The following NDE1 variants were observed in gnomAD, a reference collection of about 807,000 sequenced individuals.
NDE1 encodes nuclear distribution protein nudE homolog 1.
NDE1 carries 28 observed loss-of-function variants against 43.4 expected under a neutral mutation model. The observed-to-expected ratio is 0.65, with a 90% confidence interval of 0.48 to 0.89. The LOEUF (loss-of-function observed/expected upper bound fraction) is 0.89, where lower values mean the gene tolerates loss of function less well. Ranked by LOEUF, NDE1 falls within the 40% of genes least tolerant of loss-of-function variation. NDE1 has a pLI of 0.00. For missense variants in NDE1, 441 were observed against 434.1 expected (o/e 1.02, Z -0.14); for synonymous variants, 184 against 172.0 (o/e 1.07, Z -0.55).
At chr16:15,696,578 G>T in intron 7 of NDE1, 131 bp from the exon 8 acceptor site, 1 of 1,540,408 alleles carries the variant, frequency 6.5e-7, no homozygotes, top group East Asian at 2.3e-5. Flanking sequence ...TCCTCTTGGG[G>T]TCCCACCTTG....
intron 3 of NDE1, among the ~76,000 whole-genome samples, chr16:15,674,782 GC>G (rs1267770372): frequency 1.3e-5 from 2 of 152,004 alleles, no homozygotes; most frequent in Non-Finnish European, 2.9e-5. Context: ...TGCAATCACG[GC>G]TCACTGCAGC....
At chr16:15,714,804 G>A in intron 8 of NDE1, 21 of 1,366,030 alleles carry the variant, frequency 1.5e-5, no homozygotes, top group Non-Finnish European at 2.2e-5. Flanking sequence ...GAAGGGAGTG[G>A]CGGCTGTGGG....
intron 4 of NDE1, chr16:15,684,507 C>A (rs2038334919): frequency 6.7e-6 from 1 of 149,114 alleles, no homozygotes; most frequent in African/African-American, 2.5e-5. Context: ...ACAGAAGAAT[C>A]ATTTGAACCC....
intron 8 of NDE1, chr16:15,704,080 C>T: frequency 1.2e-6 from 2 of 1,614,122 alleles, no homozygotes; most frequent in Non-Finnish European, 8.5e-7. Flanking sequence ...ACTCTACGTC[C>T]TCCAGACCTT....
rs754926648 is a variant in NDE1 at position 15,696,767 on chromosome 16, G to T, written c.854G>T (p.Arg285Leu). 1 of 1,614,204 alleles carries T rather than the reference G, an allele frequency of 6.2e-7. No individual in the cohort carries two copies. The highest frequency in any genetic ancestry group is 2.2e-5 in the East Asian group (1 of 44,870). The change falls in exon 8 of 9, where the codon CGA (arginine) becomes CTA (leucine). Residue 285 changes from arginine to leucine, a missense_variant. By Grantham distance (102) the Arg-to-Leu change is moderately radical. Coordinates refer to ENST00000396354, the MANE Select transcript of NDE1 (RefSeq NM_017668.3). The stretch of plus-strand genomic sequence containing the variant: ...CTCGTGTACGATCAGTCCCCAAACC[G>T]AACAGGTGGCCCAGCCTCTGGGCGG... ...RNLVYDQSPN[R>L]TGGPASGRSS... is the part of the protein sequence containing the mutation.
intron 5 of NDE1, among the ~76,000 whole-genome samples, chr16:15,690,337 C>CTTTTTTTTTTTTTTCTTTTTT (rs2038672541): frequency 4.0e-5 from 3 of 74,108 alleles, no homozygotes; most frequent in African/African-American, 1.4e-4. Context: ...TGCAACTGGC[C>CTTTTTTTTTTTTTTCTTTTTT]TTTTTTTTTT....
chr16:15,657,214 C>T (rs1395282886), intron 1 of NDE1, among the ~76,000 whole-genome samples: 2 of 151,794 alleles, frequency 1.3e-5, no homozygotes, highest in Non-Finnish European at 2.9e-5. Context: ...TTTCCTGCCT[C>T]AGTCTTCCGA....
chr16:15,693,003 CT>C (rs570029318), intron 6 of NDE1, among the ~76,000 whole-genome samples: 538 of 130,610 alleles, frequency 4.1e-3, no homozygotes, highest in Middle Eastern at 5.1e-3. Flanking sequence ...TTCTTTCTCT[CT>C]TTTTTTTTTT....
chr16:15,675,529 T>C (rs2037825200), intron 3 of NDE1, among the ~76,000 whole-genome samples: 1 of 151,564 alleles, frequency 6.6e-6, no homozygotes, highest in Admixed American at 6.6e-5. Flanking sequence ...CTCAACCTCC[T>C]GGTCTCAGGC....
chr16:15,721,129 C>T (rs1332662109), intron 8 of NDE1: 2 of 1,503,746 alleles, frequency 1.3e-6, no homozygotes, highest in Admixed American at 3.5e-5. Flanking sequence ...GTGAGCGGCA[C>T]CTCAGGAGAT....
rs1478085690 is a variant in NDE1 at position 15,720,264 on chromosome 16, G to A, written c.948-3927G>A. On this transcript the variant is annotated intron_variant, in intron 8 of 8. Transcript: ENST00000396354. ...AGCTTCTTCTTTGCTGCAGCTGCCAGGGCACGTTGCTTTCGCTCGTCTTCC... is the reference window on the plus strand; with the variant it reads ...AGCTTCTTCTTTGCTGCAGCTGCCAAGGCACGTTGCTTTCGCTCGTCTTCC... 1 of 1,614,174 alleles carries A rather than the reference G, an allele frequency of 6.2e-7. No homozygotes were observed. The highest frequency in any genetic ancestry group is 1.7e-5 in the Admixed American group (1 of 60,014).
At chr16:15,700,806 G>A (rs1384863569) in intron 8 of NDE1, among the ~76,000 whole-genome samples, 2 of 152,078 alleles carry the variant, frequency 1.3e-5, no homozygotes, top group Non-Finnish European at 2.9e-5. Flanking sequence ...AATGTGGGAT[G>A]GAGCTTCTCT....
chr16:15,711,434 A>C (rs983292755), intron 8 of NDE1, among the ~76,000 whole-genome samples: 1 of 152,294 alleles, frequency 6.6e-6, no homozygotes, highest in Admixed American at 6.5e-5. Context: ...CAATAGCTAG[A>C]TATTGAACTT....
chr16:15,716,589 T>TCGGCTCACTGCAACCTCCACG (rs1370751040), intron 8 of NDE1, among the ~76,000 whole-genome samples: 1 of 152,134 alleles, frequency 6.6e-6, no homozygotes, highest in African/African-American at 2.4e-5. Context: ...TGGCACAATC[T>TCGGCTCACTGCAACCTCCACG]CGGCTCACTG....
At chr16:15,673,868 A>T (rs1334751493) in intron 3 of NDE1, among the ~76,000 whole-genome samples, 1 of 152,134 alleles carries the variant, frequency 6.6e-6, no homozygotes, top group Admixed American at 6.6e-5. Context: ...GAGCACGGGA[A>T]CGGGCAGGTG....
At chr16:15,678,947 G>T (rs932716688) in intron 4 of NDE1, among the ~76,000 whole-genome samples, 1 of 151,888 alleles carries the variant, frequency 6.6e-6, no homozygotes. Context: ...GTGGTGGCGG[G>T]TGCCTGTAGT....
rs563780282 is a variant in NDE1, at chr16:15,672,798, T to C, written c.238-5003T>C. 3.3e-5 allele frequency: 5 copies of C among 152,344 alleles called. No homozygotes were observed. In the East Asian group the frequency reaches 9.6e-4, roughly 29 times the overall value. The allele number at this position is 152,344 out of a possible 1,614,324, so 9.4% of individuals were successfully genotyped here. On this transcript the variant is annotated intron_variant, in intron 3 of 8. Transcript: ENST00000396354. ...TTAATGACTTAAGATCCTGTTTTAT[T>C]TGGAGATGTTCCCAAATAAAGGGTG...
chr16:15,680,742 G>C (rs913015671), intron 4 of NDE1, among the ~76,000 whole-genome samples: 2 of 152,128 alleles, frequency 1.3e-5, no homozygotes, highest in Non-Finnish European at 2.9e-5. Flanking sequence ...GTTTTGCGAT[G>C]TTGGAGAGGC....
chr16:15,673,730 C>G (rs535975741), intron 3 of NDE1, among the ~76,000 whole-genome samples: 1 of 152,116 alleles, frequency 6.6e-6, no homozygotes, highest in South Asian at 2.1e-4. Context: ...TGGAGTCTTC[C>G]TATGTTGCCT....
Sources: allele counts gnomAD v4.1 joint callset (sites outside exome capture counted in the v4.1 genomes callset), GRCh38; gene constraint gnomAD v4.1.1; transcripts MANE v1.5; gene names NCBI Gene and HGNC (gene_info 2026-07-23, HGNC 2026-07-21).